Variants in DISC1 observed in about 807,000 individuals in gnomAD.
The protein encoded by DISC1 is disrupted in schizophrenia 1 protein.
A neutral mutation model predicts 84.5 loss-of-function variants in DISC1; 57 were observed. The observed-to-expected ratio is 0.67, with a 90% CI of 0.55 to 0.84. DISC1 has a LOEUF of 0.84. Among genes scored for constraint, DISC1 ranks in the 40% least tolerant of loss-of-function variants. DISC1 has a pLI of 0.00. For synonymous variants in DISC1, 411 were observed against 415.2 expected, an observed-to-expected ratio of 0.99 and a Z score of 0.12; for missense variants, 1,000 against 1,057.8, an observed-to-expected ratio of 0.95 and a Z score of 0.76.
chr1:231,864,732 C>T lies in DISC1; in HGVS notation c.1981+46215C>T, dbSNP rs188956037. 3.2e-3 allele frequency among the ~76,000 whole-genome samples: 493 copies of T among 152,160 alleles called. 2 individuals carry two copies. Among genetic ancestry groups the T allele is most frequent in the South Asian group, 6.2e-3 (30 of 4,808 alleles). On this transcript the variant is annotated intron_variant, in intron 9 of 12. Transcript: ENST00000439617. ...GACACCATTTTTTGGTACTGAACGA[C>T]GTGATGACCGTTTAAAAAGAAAGGT...
At chr1:231,937,746 G>A (rs1476746504) in intron 9 of DISC1, among the ~76,000 whole-genome samples, 1 of 152,182 alleles carries the variant, frequency 6.6e-6, no homozygotes, top group African/African-American at 2.4e-5. Flanking sequence ...GGCTTCGATG[G>A]GGTGGGGAAG....
At chr1:232,028,572 G>T (rs1274168691) in intron 12 of DISC1, among the ~76,000 whole-genome samples, 1 of 152,136 alleles carries the variant, frequency 6.6e-6, no homozygotes, top group Non-Finnish European at 1.5e-5. Flanking sequence ...GCCTCTTTAA[G>T]CATTAGGGTT....
At chr1:231,818,237 C>T in intron 8 of DISC1, 92 bp from the exon 9 acceptor site, 2 of 1,276,758 alleles carry the variant, frequency 1.6e-6, no homozygotes, top group South Asian at 2.4e-5. Flanking sequence ...TTTGCCCATG[C>T]TGTGAATGTA....
intron 9 of DISC1, among the ~76,000 whole-genome samples, chr1:231,833,574 G>T (rs1020229762): frequency 1.3e-5 from 2 of 151,762 alleles, no homozygotes; most frequent in African/African-American, 4.9e-5. Context: ...TGAACAGTCC[G>T]ATTTTCAGTG....
intron 1 of DISC1, among the ~76,000 whole-genome samples, chr1:231,643,829 G>A (rs754062581): frequency 2.0e-5 from 3 of 152,182 alleles, no homozygotes; most frequent in Non-Finnish European, 4.4e-5. Context: ...TGCAGGTGAC[G>A]TCCCACACAA....
Position 231,863,220 on chromosome 1 carries a change from C to CTTTTTTTTTTTTTT in DISC1, c.1981+44722_1981+44735dup, listed in dbSNP as rs533463099. ...TGATTGACATAGTTTATAAAATGTT[C>CTTTTTTTTTTTTTT]TTTTTTTTTTTTTTTTTTTTTTTTT... On this transcript the variant is annotated intron_variant, in intron 9 of 12. Transcript: ENST00000439617. Among the ~76,000 whole-genome samples, 5 of 54,758 alleles carry CTTTTTTTTTTTTTT rather than the reference C, an allele frequency of 9.1e-5. 1 individual carries two copies. The highest frequency in any genetic ancestry group is 3.8e-4 in the African/African-American group (5 of 13,170). 35.9% of individuals were successfully genotyped at this position (54,758 alleles called of 152,430 possible).
chr1:231,907,971 T>C (rs1277548618), intron 9 of DISC1, among the ~76,000 whole-genome samples: 1 of 152,246 alleles, frequency 6.6e-6, no homozygotes, highest in East Asian at 1.9e-4. Flanking sequence ...CATAAATGTC[T>C]TCTTTTGAGA....
At chr1:231,817,916 T>A (rs1404414584) in intron 8 of DISC1, among the ~76,000 whole-genome samples, 2 of 152,194 alleles carry the variant, frequency 1.3e-5, no homozygotes, top group Non-Finnish European at 2.9e-5. Flanking sequence ...GGGAGGAATT[T>A]AATTTAGGTC....
At chr1:231,818,568 GT>G (rs764050276) in intron 9 of DISC1, 51 bp downstream of exon 9, 1 of 1,609,442 alleles carries the variant, frequency 6.2e-7, no homozygotes, top group Non-Finnish European at 8.5e-7. Flanking sequence ...TATTTGTTGT[GT>G]TTTGTGGCCA....
intron 9 of DISC1, among the ~76,000 whole-genome samples, chr1:231,951,189 G>A (rs76321876): frequency 6.0e-4 from 91 of 152,290 alleles, no homozygotes; most frequent in African/African-American, 2.0e-3. Context: ...TCTCACTCGC[G>A]TTACTCAAAG....
At position 232,009,562 on chromosome 1, in the gene DISC1, A is replaced by G; in HGVS notation, c.2307+513A>G. On this transcript the variant is annotated intron_variant, in intron 11 of 12. Transcript: ENST00000439617. This position sits in a 1 kb window ranked among gnomAD's most constrained non-coding sequence, Gnocchi z 4.6. ...TAATTGTTTTTACCAAAACCAGATCATAATGAATGTTTATAATGTTCTTCT... is the reference window on the plus strand; with the variant it reads ...TAATTGTTTTTACCAAAACCAGATCGTAATGAATGTTTATAATGTTCTTCT... The G allele has an allele frequency of 1.1e-6, 1 of 919,476 alleles. No individual in the cohort carries two copies. The highest frequency in any genetic ancestry group is 1.8e-5 in the African/African-American group (1 of 55,958). 57.0% of individuals were successfully genotyped at this position (919,476 alleles called of 1,614,324 possible). A position where few individuals can be genotyped will look rare whatever the true frequency, so the allele number is the denominator to read the frequency against.
intron 9 of DISC1, among the ~76,000 whole-genome samples, chr1:231,872,785 A>T (rs2085561483): frequency 6.6e-6 from 1 of 152,186 alleles, no homozygotes; most frequent in Non-Finnish European, 1.5e-5. Flanking sequence ...TCATCCACCC[A>T]ACTCATTTTC....
In DISC1 at chr1:232,031,386, AAGGAAG is replaced by A. The variant is rs568754976; in HGVS notation, c.2425+4837_2425+4842del. ...GAAGGGAGAGGGAAAGGAGAAGGGA[AAGGAAG>A]AGAAGGGAAGAAGGGAAGGGAGAAG... is the stretch of plus-strand genomic sequence containing the variant. On this transcript the variant is annotated intron_variant, in intron 12 of 12. Transcript: ENST00000439617. The surrounding 1 kb of genome is among the most constrained non-coding windows in gnomAD (Gnocchi z 4.6). Among the ~76,000 whole-genome samples, 229 of 151,016 alleles carry A rather than the reference AAGGAAG, an allele frequency of 1.5e-3. No individual in the cohort carries two copies. Among genetic ancestry groups the A allele is most frequent in the Non-Finnish European group, 2.6e-3 (175 of 67,652 alleles).
chr1:231,873,672 T>C (rs986141968), intron 9 of DISC1, among the ~76,000 whole-genome samples: 1 of 152,140 alleles, frequency 6.6e-6, no homozygotes, highest in Non-Finnish European at 1.5e-5. Context: ...GAAAACGGGT[T>C]CAACCTCATA....
At chr1:231,743,366 T>C (rs1178369999) in intron 3 of DISC1, among the ~76,000 whole-genome samples, 1 of 152,150 alleles carries the variant, frequency 6.6e-6, no homozygotes, top group Non-Finnish European at 1.5e-5. Flanking sequence ...CTTAGAAAGG[T>C]TAAGTAACTT....
intron 9 of DISC1, among the ~76,000 whole-genome samples, chr1:231,888,635 G>A (rs1420824269): frequency 6.6e-6 from 1 of 151,436 alleles, no homozygotes; most frequent in Non-Finnish European, 1.5e-5. Context: ...GCTACTCGGT[G>A]GCTGAGGTGG....
chr1:231,776,557 T>G (rs1391855607), intron 6 of DISC1, among the ~76,000 whole-genome samples: 2 of 152,170 alleles, frequency 1.3e-5, no homozygotes, highest in East Asian at 1.9e-4. Flanking sequence ...CCAGGCCTTC[T>G]GCAGTATCCA....
At chr1:231,837,711 G>T (rs1032277377) in intron 9 of DISC1, among the ~76,000 whole-genome samples, 2 of 152,216 alleles carry the variant, frequency 1.3e-5, no homozygotes, top group African/African-American at 2.4e-5. Context: ...ATGAAAGGGA[G>T]GAGGTGAGGA....
rs58820518 is a variant in DISC1 at position 231,640,528 on chromosome 1, A to ATTTT, written c.67+13609_67+13612dup. On this transcript the variant is annotated intron_variant, in intron 1 of 12. Coordinates refer to ENST00000439617, the MANE Select transcript of DISC1 (RefSeq NM_018662.3). ...TGTGGGCTCACCAGACCTCCTTGGT[A>ATTTT]TTTTTTTTTTTTTTTTTTGAGACAA... 2.7e-3 allele frequency among the ~76,000 whole-genome samples: 357 copies of ATTTT among 133,280 alleles called. 6 individuals are homozygous for ATTTT. The highest frequency in any genetic ancestry group is 9.0e-3 in the East Asian group (40 of 4,434). 87.4% of individuals were successfully genotyped at this position (133,280 alleles called of 152,430 possible). A position where few individuals can be genotyped will look rare whatever the true frequency, so the allele number is the denominator to read the frequency against.
Sources: gnomAD v4.1 joint callset for allele counts (sites outside exome capture counted in the v4.1 genomes callset) on GRCh38, gnomAD v4.1.1 for gene constraint, Gnocchi (gnomAD v3.1) non-coding constraint, MANE v1.5 for transcripts, NCBI Gene and HGNC (gene_info 2026-07-23, HGNC 2026-07-21) for gene names.